Variants in SAP18 observed in about 807,000 individuals in gnomAD.
The protein encoded by SAP18 is Sin3A associated protein 18.
Under a neutral mutation model 18.6 loss-of-function variants are expected in SAP18, and 4 were observed. The observed-to-expected ratio is 0.21, with a 90% CI of 0.11 to 0.49. The LOEUF (loss-of-function observed/expected upper bound fraction) is 0.49. Among genes scored for constraint, SAP18 ranks in the 20% least tolerant of loss-of-function variants. The pLI, the probability that SAP18 is intolerant of heterozygous loss-of-function variation, is 0.98. For missense variants in SAP18, 170 were observed against 226.4 expected (o/e 0.75, Z 1.60); for synonymous variants, 112 against 82.8 (o/e 1.35, Z -1.92).
upstream of SAP18, chr13:21,140,399 A>C: frequency 1.3e-6 from 1 of 742,662 alleles, no homozygotes; most frequent in Non-Finnish European, 2.1e-6. Context: ...CTCCCCGCGG[A>C]CGTCAGCACC....
chr13:21,141,240 T>A, intron 2 of SAP18: 1 of 548,284 alleles, frequency 1.8e-6, no homozygotes, highest in South Asian at 2.1e-5. Context: ...GACCCAAGAT[T>A]GCTGTCACTG....
chr13:21,141,118 G>C (rs1343722361), intron 2 of SAP18, 123 bp downstream of exon 2: 1 of 682,238 alleles, frequency 1.5e-6, no homozygotes. Context: ...GGGGCCTTCG[G>C]ACTCAGCTTT....
intron 2 of SAP18, among the ~76,000 whole-genome samples, chr13:21,142,438 C>T (rs1002342904): frequency 3.3e-5 from 5 of 151,712 alleles, no homozygotes; most frequent in African/African-American, 9.7e-5. Context: ...GCGATTCTCA[C>T]GCCTCAGCCT....
At position 21,144,405 on chromosome 13, in the gene SAP18, CAAAAAAAA is replaced by C. The variant is rs36115551; in HGVS notation, c.240-2381_240-2374del. Among the ~76,000 whole-genome samples, 25 of 64,638 alleles carry C rather than the reference CAAAAAAAA, an allele frequency of 3.9e-4. No homozygotes were observed. In the East Asian group the frequency reaches 0.01, roughly 27 times the overall value. 42.4% of individuals were successfully genotyped at this position (64,638 alleles called of 152,430 possible). ...CGGGCGACAGAGCGGGACTCCATCT[CAAAAAAAA>C]AAAAAAAAAAAAAAAAAAGCTTTAT... is the stretch of plus-strand genomic sequence containing the variant. On this transcript the variant is annotated intron_variant, in intron 2 of 3. Coordinates refer to ENST00000621421, the Ensembl canonical transcript of SAP18.
chr13:21,147,355 A>C, exon 4 of SAP18: 1 of 1,590,406 alleles, frequency 6.3e-7, no homozygotes, highest in East Asian at 2.2e-5. Context: ...TCTATTTACT[A>C]TTTGTTGAAT....
chr13:21,140,860 G>A (rs745900432), intron 1 of SAP18, 26 bp from the exon 2 acceptor site: 2 of 1,600,564 alleles, frequency 1.2e-6, no homozygotes, highest in Non-Finnish European at 1.7e-6. Flanking sequence ...TTTAACTTCT[G>A]CCCTTCCGTT....
exon 4 of SAP18, chr13:21,147,720 A>G (rs189083319): frequency 7.6e-5 from 13 of 170,840 alleles, no homozygotes; most frequent in Non-Finnish European, 6.2e-5. Flanking sequence ...ATGAAATCAA[A>G]CATGAGTTTG....
chr13:21,140,655 C>G, exon 1 of SAP18: 4 of 1,612,678 alleles, frequency 2.5e-6, no homozygotes, highest in Non-Finnish European at 3.4e-6. Context: ...TAAGAAGGAG[C>G]CAGAGAAACC....
At chr13:21,140,592 G>T (rs774972864) in exon 1 of SAP18, 2 of 1,609,518 alleles carry the variant, frequency 1.2e-6, no homozygotes, top group Non-Finnish European at 1.7e-6. Context: ...CGAGCGTCTC[G>T]CAGGCCGTAG....
chr13:21,147,098 G>A (rs1224831292), intron 3 of SAP18, 88 bp from the exon 4 acceptor site: 1 of 1,466,802 alleles, frequency 6.8e-7, no homozygotes, highest in Non-Finnish European at 9.2e-7. Context: ...ATAAAATGAT[G>A]GAGAAAATCC....
At chr13:21,148,544 A>G (rs1869735341) in exon 4 of SAP18, 1 of 152,220 alleles carries the variant, frequency 6.6e-6, no homozygotes, top group African/African-American at 2.4e-5. Context: ...TGGTACATAC[A>G]AAAACAGCCA....
exon 4 of SAP18, chr13:21,147,997 A>G (rs1299368291): frequency 1.3e-5 from 2 of 152,300 alleles, no homozygotes; most frequent in Non-Finnish European, 2.9e-5. Flanking sequence ...GAAAGGTTTA[A>G]TTAACCCTGG....
chr13:21,147,326 G>A (rs376710499), exon 4 of SAP18: 16 of 1,606,642 alleles, frequency 1.0e-5, no homozygotes, highest in African/African-American at 6.7e-5. Flanking sequence ...CCTTCAGGGC[G>A]CATGAGACCA....
exon 4 of SAP18, chr13:21,147,288 A>T (rs549029909): frequency 1.2e-6 from 2 of 1,614,114 alleles, no homozygotes; most frequent in Non-Finnish European, 1.7e-6. Context: ...TGGACATAGC[A>T]ATTACCCCTC....
In SAP18 at chr13:21,140,530, TCCTCG is replaced by T. The variant is rs772015507; in HGVS notation, c.-21_-17del. Reference sequence around the variant, plus strand: ...GGCCGACTATAAAGTGTCGAGCTTCTCCTCGCGAGAGACTTAGTGCTCATGCTCGC... The same window carrying T: ...GGCCGACTATAAAGTGTCGAGCTTCTCGAGAGACTTAGTGCTCATGCTCGC... On this transcript the variant is annotated 5_prime_UTR_variant, in exon 1 of 4. Coordinates refer to ENST00000621421, the Ensembl canonical transcript of SAP18. 3 of 1,563,318 alleles carry T rather than the reference TCCTCG, an allele frequency of 1.9e-6. No homozygotes were observed. The African/African-American group carries it at 4.1e-5, about 21-fold the overall frequency.
At chr13:21,147,261 C>G in exon 4 of SAP18, 1 of 1,614,130 alleles carries the variant, frequency 6.2e-7, no homozygotes, top group Non-Finnish European at 8.5e-7. Context: ...CGCAGAAGTT[C>G]CAGATAGGAG....
exon 1 of SAP18, chr13:21,140,587 G>C (rs1869420441): frequency 2.5e-6 from 4 of 1,608,632 alleles, no homozygotes; most frequent in Middle Eastern, 1.7e-4. Context: ...CAGGGCGAGC[G>C]TCTCGCAGGC....
intron 2 of SAP18, among the ~76,000 whole-genome samples, chr13:21,144,457 C>T (rs1018391692): frequency 8.4e-5 from 12 of 142,356 alleles, no homozygotes; most frequent in South Asian, 2.4e-4. Context: ...ATTTGGTTTA[C>T]GTGATTGTGG....
At chr13:21,146,684 C>G (rs1306401410) in intron 2 of SAP18, 121 bp from the exon 3 acceptor site, 1 of 760,164 alleles carries the variant, frequency 1.3e-6, no homozygotes, top group South Asian at 2.5e-5. Flanking sequence ...GTATAAGACC[C>G]TGGCAGTTTC....
Sources: gnomAD v4.1 joint callset for allele counts (sites outside exome capture counted in the v4.1 genomes callset) on GRCh38, gnomAD v4.1.1 for gene constraint, MANE v1.5 for transcripts, NCBI Gene and HGNC (gene_info 2026-07-23, HGNC 2026-07-21) for gene names.